Variants in DPP10 observed in about 807,000 individuals in gnomAD.
DPP10 encodes inactive dipeptidyl peptidase 10.
DPP10 carries 33 observed loss-of-function variants against 120.9 expected under a neutral mutation model. The ratio of observed to expected loss-of-function variants is 0.27; its 90% CI spans 0.21 to 0.37. The LOEUF (loss-of-function observed/expected upper bound fraction) is 0.37, where lower values mean the gene tolerates loss of function less well. DPP10 is among the 10% of genes least tolerant of loss of function. The pLI is 1.00. For synonymous variants in DPP10, 337 were observed against 326.1 expected, an observed-to-expected ratio of 1.03 and a Z score of -0.36; for missense variants, 816 against 942.8, an observed-to-expected ratio of 0.87 and a Z score of 1.76.
intron 1 of DPP10, among the ~76,000 whole-genome samples, chr2:115,307,216 T>C (rs1301446243): frequency 1.3e-5 from 2 of 152,114 alleles, no homozygotes; most frequent in Admixed American, 1.3e-4. Flanking sequence ...ATAATATATA[T>C]AAGCTATTAT....
intron 1 of DPP10, among the ~76,000 whole-genome samples, chr2:115,185,048 C>T (rs2054335932): frequency 6.6e-6 from 1 of 152,086 alleles, no homozygotes; most frequent in Non-Finnish European, 1.5e-5. Context: ...AATAGCATTG[C>T]TGTGTTATAA....
At chr2:115,520,997 G>A (rs1379281672) in intron 4 of DPP10, among the ~76,000 whole-genome samples, 2 of 152,156 alleles carry the variant, frequency 1.3e-5, no homozygotes, top group South Asian at 2.1e-4. Flanking sequence ...TGAACTGCAC[G>A]TGTAATTAAA....
intron 1 of DPP10, among the ~76,000 whole-genome samples, chr2:114,604,037 C>A (rs1692589276): frequency 6.6e-6 from 1 of 152,014 alleles, no homozygotes; most frequent in African/African-American, 2.4e-5. Flanking sequence ...TGGGGTCACA[C>A]AGGATTGCTT....
chr2:115,111,376 G>C (rs147421505), intron 1 of DPP10, among the ~76,000 whole-genome samples: 1 of 152,022 alleles, frequency 6.6e-6, no homozygotes, highest in African/African-American at 2.4e-5. Flanking sequence ...GGATCAACTT[G>C]GTGGGGGATA....
intron 1 of DPP10, among the ~76,000 whole-genome samples, chr2:115,014,671 C>T (rs1461113361): frequency 1.3e-5 from 2 of 151,970 alleles, no homozygotes; most frequent in Non-Finnish European, 2.9e-5. Context: ...CACCACTGAT[C>T]CCAAAGAAAT....
At chr2:115,761,455 G>C (rs1680103901) in intron 11 of DPP10, among the ~76,000 whole-genome samples, 2 of 152,066 alleles carry the variant, frequency 1.3e-5, no homozygotes, top group Non-Finnish European at 2.9e-5. Flanking sequence ...TACGTATGGA[G>C]ATAAAAAGAC....
chr2:115,422,228 G>C (rs748761042), intron 3 of DPP10, among the ~76,000 whole-genome samples: 1 of 152,188 alleles, frequency 6.6e-6, no homozygotes, highest in Non-Finnish European at 1.5e-5. Context: ...ACTTCCTAAT[G>C]TCATAAATTG....
intron 1 of DPP10, among the ~76,000 whole-genome samples, chr2:115,226,210 G>T (rs1039732889): frequency 6.6e-6 from 1 of 152,032 alleles, no homozygotes; most frequent in Admixed American, 6.6e-5. Context: ...ACTGTCTAGG[G>T]ATTATCTTCT....
At chr2:115,680,797 A>G (rs570913696) in intron 5 of DPP10, among the ~76,000 whole-genome samples, 30 of 152,116 alleles carry the variant, frequency 2.0e-4, no homozygotes, top group Admixed American at 6.5e-4. Flanking sequence ...TGTTTACTAC[A>G]TACATAAAAA....
At chr2:115,518,869 T>C (rs1172759139) in intron 4 of DPP10, among the ~76,000 whole-genome samples, 3 of 152,162 alleles carry the variant, frequency 2.0e-5, no homozygotes, top group Non-Finnish European at 4.4e-5. Flanking sequence ...TTTTATATGC[T>C]GTATTCTTTA....
At chr2:114,556,289 A>G (rs951713442) in intron 1 of DPP10, among the ~76,000 whole-genome samples, 1 of 140,742 alleles carries the variant, frequency 7.1e-6, no homozygotes, top group South Asian at 2.3e-4. Context: ...TAGATGATAG[A>G]TGAGTAAATA....
At chr2:114,460,619 T>C (rs1678849681) in intron 1 of DPP10, among the ~76,000 whole-genome samples, 1 of 152,206 alleles carries the variant, frequency 6.6e-6, no homozygotes, top group African/African-American at 2.4e-5. Flanking sequence ...TAGAATACTG[T>C]GTGTTACTTT....
At chr2:115,177,163 G>A (rs1329003468) in intron 1 of DPP10, among the ~76,000 whole-genome samples, 1 of 152,086 alleles carries the variant, frequency 6.6e-6, no homozygotes, top group Admixed American at 6.5e-5. Context: ...TTTTTTATTA[G>A]TGAAGAACTG....
intron 1 of DPP10, among the ~76,000 whole-genome samples, chr2:114,640,930 T>C (rs760370227): frequency 1.1e-4 from 17 of 151,892 alleles, no homozygotes; most frequent in Admixed American, 2.6e-4. Context: ...GAGTCTGCAT[T>C]CAACTTGCAG....
chr2:115,185,986 C>A (rs1475519083), intron 1 of DPP10, among the ~76,000 whole-genome samples: 2 of 152,224 alleles, frequency 1.3e-5, no homozygotes, highest in African/African-American at 2.4e-5. Context: ...CTCACTACCA[C>A]CTCTACTTCA....
At chr2:115,754,649 A>G (rs1377311137) in intron 11 of DPP10, among the ~76,000 whole-genome samples, 3 of 152,182 alleles carry the variant, frequency 2.0e-5, no homozygotes, top group Non-Finnish European at 4.4e-5. Context: ...ACAATTGATA[A>G]AGACTATCAA....
At chr2:115,619,302 C>G (rs975201791) in intron 5 of DPP10, among the ~76,000 whole-genome samples, 2 of 151,236 alleles carry the variant, frequency 1.3e-5, no homozygotes, top group Non-Finnish European at 2.9e-5. Context: ...GTCTTGATCT[C>G]CTGACCTCAT....
intron 1 of DPP10, among the ~76,000 whole-genome samples, chr2:114,465,250 A>G: frequency 6.6e-6 from 1 of 152,230 alleles, no homozygotes; most frequent in East Asian, 1.9e-4. Flanking sequence ...AAGGACACAT[A>G]CGAAGTGTTT....
intron 1 of DPP10, among the ~76,000 whole-genome samples, chr2:114,678,520 T>C (rs1285026505): frequency 6.6e-6 from 1 of 152,102 alleles, no homozygotes; most frequent in Non-Finnish European, 1.5e-5. Flanking sequence ...TGTGCTGGTC[T>C]TGTCTCTTTT....
Sources: allele counts gnomAD v4.1 joint callset (sites outside exome capture counted in the v4.1 genomes callset), GRCh38; gene constraint gnomAD v4.1.1; transcripts MANE v1.5; gene names NCBI Gene and HGNC (gene_info 2026-07-23, HGNC 2026-07-21).